SNX13: variants seen among roughly 807,000 people sequenced by gnomAD.
SNX13 encodes the protein sorting nexin 13.
SNX13 carries 45 observed loss-of-function variants against 133.6 expected under a neutral mutation model. The observed-to-expected ratio is 0.34, with a 90% CI of 0.27 to 0.43. The LOEUF (loss-of-function observed/expected upper bound fraction) is 0.43. Among genes scored for constraint, SNX13 ranks in the 20% least tolerant of loss-of-function variants. The pLI, the probability that SNX13 is intolerant of heterozygous loss-of-function variation, is 1.00. For synonymous variants in SNX13, 414 were observed against 373.9 expected (o/e 1.11, Z -1.24); for missense variants, 1,032 against 1,145.1 (o/e 0.90, Z 1.43).
chr7:17,884,007 G>A lies in SNX13; in HGVS notation c.440+6356C>T, dbSNP rs1353041905. ...ATGGCAGAATTTACTAGCTGTGACA[G>A]AAATGATGTGGCCTACAAATCCTAA... On this transcript the variant is annotated intron_variant, in intron 5 of 25. Transcript: ENST00000428135. Among the ~76,000 whole-genome samples, 3 of 152,302 alleles carry A rather than the reference G, an allele frequency of 2.0e-5. No homozygotes were observed. In the East Asian group the frequency reaches 5.8e-4, roughly 29 times the overall value.
intron 20 of SNX13, among the ~76,000 whole-genome samples, chr7:17,805,019 A>G (rs2128289634): frequency 6.6e-6 from 1 of 152,314 alleles, no homozygotes; most frequent in South Asian, 2.1e-4. Context: ...CCCTGGCTTA[A>G]GCTCAGCCAA....
intron 2 of SNX13, among the ~76,000 whole-genome samples, chr7:17,895,680 A>G (rs949663353): frequency 6.6e-6 from 1 of 152,200 alleles, no homozygotes; most frequent in Non-Finnish European, 1.5e-5. Flanking sequence ...ACAACATTTA[A>G]AAAAGGAACA....
chr7:17,841,339 A>T (rs1789848646), intron 12 of SNX13, among the ~76,000 whole-genome samples: 1 of 152,048 alleles, frequency 6.6e-6, no homozygotes, highest in Non-Finnish European at 1.5e-5. Context: ...TATGTGGGAA[A>T]ATTAGAAAGT....
chr7:17,835,451 AAATT>A (rs1789029178), intron 13 of SNX13, among the ~76,000 whole-genome samples: 1 of 151,972 alleles, frequency 6.6e-6, no homozygotes. Context: ...AAAAGTCTTA[AAATT>A]AATTTGTTTT....
chr7:17,924,443 C>G (rs1011864459), intron 1 of SNX13, among the ~76,000 whole-genome samples: 1 of 152,116 alleles, frequency 6.6e-6, no homozygotes, highest in Non-Finnish European at 1.5e-5. Context: ...ATGCTACTTG[C>G]GCTCACCAGG....
Position 17,875,601 on chromosome 7 carries a change from G to T in SNX13, c.563-20C>A. 1 of 1,609,090 alleles carries T rather than the reference G, an allele frequency of 6.2e-7. No individual in the cohort carries two copies. Among genetic ancestry groups the T allele is most frequent in the South Asian group, 1.1e-5 (1 of 90,170 alleles). On this transcript the variant is annotated intron_variant, in intron 6 of 25. Coordinates refer to ENST00000428135, the MANE Select transcript of SNX13 (RefSeq NM_015132.5). ...CTGTACCTAAAGAAAAACAATTCAA[G>T]ATATATAAAATGATGAAAGGAAAAC...
At chr7:17,858,133 A>C (rs555884059) in intron 9 of SNX13, among the ~76,000 whole-genome samples, 10 of 152,104 alleles carry the variant, frequency 6.6e-5, no homozygotes, top group Non-Finnish European at 1.3e-4. Flanking sequence ...AAGGATGCCT[A>C]CTCCTACAAA....
chr7:17,831,085 T>C, intron 15 of SNX13: 2 of 984,454 alleles, frequency 2.0e-6, no homozygotes, highest in Non-Finnish European at 2.4e-6. Flanking sequence ...TCTTCTGTAG[T>C]GTGCCCACCT....
intron 16 of SNX13, 32 bp from the exon 17 acceptor site, chr7:17,826,123 A>T (rs1583382801): frequency 7.0e-7 from 1 of 1,419,738 alleles, no homozygotes; most frequent in Non-Finnish European, 9.6e-7. Context: ...ACAAATTTTT[A>T]AAATTTTATA....
intron 8 of SNX13, 22 bp from the exon 9 acceptor site, chr7:17,868,512 A>G (rs915645094): frequency 3.3e-6 from 5 of 1,535,456 alleles, no homozygotes; most frequent in Non-Finnish European, 2.7e-6. Context: ...GTAAATAACA[A>G]AAACAAATTT....
chr7:17,816,639 G>C (rs905965285), intron 18 of SNX13, among the ~76,000 whole-genome samples: 3 of 151,654 alleles, frequency 2.0e-5, no homozygotes, highest in African/African-American at 7.3e-5. Context: ...CTCCAGCCTG[G>C]GCAACAAGAG....
At chr7:17,909,418 C>A (rs1304465643) in intron 1 of SNX13, among the ~76,000 whole-genome samples, 2 of 152,172 alleles carry the variant, frequency 1.3e-5, no homozygotes, top group Admixed American at 6.5e-5. Context: ...CACTACAGCA[C>A]TATTCACAGT....
At chr7:17,929,825 T>G (rs528545880) in intron 1 of SNX13, among the ~76,000 whole-genome samples, 1 of 152,324 alleles carries the variant, frequency 6.6e-6, no homozygotes, top group African/African-American at 2.4e-5. Flanking sequence ...CCTTTGTATT[T>G]CCTCCCGAAA....
At chr7:17,898,225 G>A (rs1319179388) in intron 1 of SNX13, 1 of 152,014 alleles carries the variant, frequency 6.6e-6, no homozygotes, top group Non-Finnish European at 1.5e-5. Flanking sequence ...ACATCCATTC[G>A]CCTTGCACTG....
chr7:17,841,950 A>T (rs965594769), intron 12 of SNX13, among the ~76,000 whole-genome samples: 3 of 152,044 alleles, frequency 2.0e-5, no homozygotes, highest in African/African-American at 4.8e-5. Flanking sequence ...AAAGTTTTAG[A>T]TTCAAGAAAC....
intron 22 of SNX13, among the ~76,000 whole-genome samples, chr7:17,800,373 T>C (rs1453577636): frequency 1.3e-5 from 2 of 151,582 alleles, no homozygotes; most frequent in South Asian, 2.1e-4. Context: ...ATAAAACAGA[T>C]CCAAACATAT....
At chr7:17,833,364 A>G in intron 15 of SNX13, among the ~76,000 whole-genome samples, 1 of 151,732 alleles carries the variant, frequency 6.6e-6, no homozygotes, top group East Asian at 1.9e-4. Flanking sequence ...GACTAACGTA[A>G]GATATTATGA....
At chr7:17,898,124 A>T (rs1044343864) in intron 1 of SNX13, 35 of 148,464 alleles carry the variant, frequency 2.4e-4, no homozygotes, top group East Asian at 9.8e-4. Context: ...TTAGCCAATT[A>T]AAAAAAAAAC....
rs768475472 is a variant in SNX13 at position 17,801,593 on chromosome 7, C to T, written c.2293G>A (p.Asp765Asn). Residue 765 changes from aspartate (D) to asparagine (N), a missense_variant, in exon 22 of 26, where the codon GAT becomes AAT. Coordinates refer to ENST00000428135, the MANE Select transcript of SNX13 (RefSeq NM_015132.5). ...CAAGAATAAAATTAACTCACATTATCGTCAAGTTGAGCCGAAACTCGGCGA... is the reference window on the plus strand; with the variant it reads ...CAAGAATAAAATTAACTCACATTATTGTCAAGTTGAGCCGAAACTCGGCGA... ...EHRRVSAQLDDNVDDNIPLRV... is the reference protein window; with the variant it reads ...EHRRVSAQLDNNVDDNIPLRV... The T allele has an allele frequency of 1.1e-5, 18 of 1,605,924 alleles. No homozygotes were observed. Among genetic ancestry groups the T allele is most frequent in the Admixed American group, 1.7e-5 (1 of 59,016 alleles).
Sources: allele counts gnomAD v4.1 joint callset (sites outside exome capture counted in the v4.1 genomes callset), GRCh38; gene constraint gnomAD v4.1.1; transcripts MANE v1.5; gene names NCBI Gene and HGNC (gene_info 2026-07-23, HGNC 2026-07-21).